PHF8: variants seen among roughly 807,000 people sequenced by gnomAD.
PHF8 encodes the protein histone lysine demethylase PHF8.
PHF8 carries 9 observed loss-of-function variants against 74.4 expected under a neutral mutation model. That is an observed-to-expected ratio of 0.12 (90% CI 0.07 to 0.21). The LOEUF (loss-of-function observed/expected upper bound fraction) is 0.21. PHF8 is among the 10% of genes least tolerant of loss of function. The probability of loss-of-function intolerance (pLI) is 1.00; values close to 1 mark genes in which losing one functional copy is unlikely to be tolerated. For missense variants in PHF8, 478 were observed against 816.6 expected (o/e 0.59, Z 5.05); for synonymous variants, 311 against 316.6 (o/e 0.98, Z 0.19).
intron 19 of PHF8, among the ~76,000 whole-genome samples, chrX:53,958,692 C>A (rs1480365520): frequency 1.0e-5 from 1 of 97,923 alleles, no homozygotes; most frequent in Admixed American, 1.2e-4. Flanking sequence ...AGGAGAATGG[C>A]GTGAACCCAG....
chrX:54,017,407 C>T (rs2066090073), intron 5 of PHF8, among the ~76,000 whole-genome samples: 1 of 112,117 alleles, frequency 8.9e-6, no homozygotes, highest in Admixed American at 9.4e-5. Context: ...TTAATTGCGC[C>T]ACTGTACTCC....
intron 18 of PHF8, among the ~76,000 whole-genome samples, chrX:53,972,339 A>AG (rs1201162229): frequency 2.8e-5 from 3 of 107,472 alleles, no homozygotes; most frequent in Non-Finnish European, 5.8e-5. Flanking sequence ...AAAAAAAAAA[A>AG]AAAAAGAAAA....
At chrX:53,957,803 T>C (rs1380690430) in intron 19 of PHF8, among the ~76,000 whole-genome samples, 1 of 111,481 alleles carries the variant, frequency 9.0e-6, no homozygotes, top group East Asian at 2.8e-4. Context: ...TTTTTCCTTT[T>C]GCTTTTCTCC....
At chrX:54,019,804 A>G (rs782775486) in intron 4 of PHF8, among the ~76,000 whole-genome samples, 48 of 108,404 alleles carry the variant, frequency 4.4e-4, no homozygotes, top group South Asian at 3.9e-3. Context: ...AAAAAAAAAA[A>G]AAAGAAAGAA....
chrX:53,976,312 T>A (rs191947724), intron 18 of PHF8, among the ~76,000 whole-genome samples: 10,905 of 105,935 alleles, frequency 0.1, 1,044 homozygotes, highest in African/African-American at 0.29. Flanking sequence ...CTCAAAAAAA[T>A]AAAATAAAAT....
chrX:54,009,883 T>TAAAAA (rs2065956663), intron 8 of PHF8, among the ~76,000 whole-genome samples: 1 of 45,246 alleles, frequency 2.2e-5, no homozygotes. Context: ...AAAAAAAAAG[T>TAAAAA]GGCTCTTTGG....
rs1010235889 is a variant in PHF8 at position 54,044,176 on chromosome X, C to T, written c.-507G>A. ...GCTTGGGCCTAGTCTGGCGGCCGCC[C>T]GGCGAACGGGCAAGTGGCGTCGTCG... On this transcript the variant is annotated 5_prime_UTR_variant, in exon 1 of 22. Transcript: ENST00000338154. 1.1e-5 allele frequency: 8 copies of T among 754,043 alleles called. No homozygotes were observed. Among genetic ancestry groups the T allele is most frequent in the Middle Eastern group, 1.5e-3 (2 of 1,344 alleles). 62.1% of individuals were successfully genotyped at this position (754,043 alleles called of 1,213,427 possible).
intron 8 of PHF8, among the ~76,000 whole-genome samples, chrX:54,004,580 T>A (rs1335313890): frequency 1.8e-5 from 2 of 110,970 alleles, no homozygotes; most frequent in African/African-American, 6.6e-5. Flanking sequence ...AAATAGGAAA[T>A]AGAAATTCTC....
At chrX:53,976,930 C>T (rs782467824) in intron 18 of PHF8, among the ~76,000 whole-genome samples, 2 of 111,603 alleles carry the variant, frequency 1.8e-5, no homozygotes, top group African/African-American at 6.5e-5. Context: ...AACTCTTTCC[C>T]CTCTTTTCAC....
chrX:53,978,010 ATCT>A (rs1344423697), intron 18 of PHF8, among the ~76,000 whole-genome samples: 4 of 100,829 alleles, frequency 4.0e-5, no homozygotes, highest in Non-Finnish European at 6.0e-5. Flanking sequence ...CAGTGATGCA[ATCT>A]CGGTTCACTG....
intron 2 of PHF8, among the ~76,000 whole-genome samples, chrX:54,027,920 T>C (rs782170854): frequency 6.7e-4 from 70 of 105,095 alleles, no homozygotes; most frequent in Non-Finnish European, 2.1e-4. Context: ...AAGACCTAGG[T>C]AGAAAAAAAA....
chrX:54,002,053 A>C lies in PHF8; in HGVS notation c.1141+102T>G, dbSNP rs188173046. On this transcript the variant is annotated intron_variant, in intron 10 of 21. Transcript: ENST00000338154. ...TTTATATACTGAGATCTTTCTGGTA[A>C]TGAAATAGTATCATGTCTTGACTGC... 316 of 527,689 alleles carry C rather than the reference A, an allele frequency of 6.0e-4. No individual in the cohort carries two copies. In the African/African-American group the frequency reaches 6.4e-3, roughly 11 times the overall value. 43.5% of individuals were successfully genotyped at this position (527,689 alleles called of 1,213,427 possible).
chrX:54,003,099 G>T (rs782662606), intron 8 of PHF8, among the ~76,000 whole-genome samples: 3 of 111,881 alleles, frequency 2.7e-5, no homozygotes, highest in East Asian at 5.6e-4. Flanking sequence ...AAACATTTTT[G>T]AAAACAGTTT....
intron 7 of PHF8, among the ~76,000 whole-genome samples, chrX:54,012,658 T>G (rs954099589): frequency 1.8e-5 from 2 of 111,008 alleles, no homozygotes; most frequent in Non-Finnish European, 3.8e-5. Context: ...AAAAATTGTC[T>G]GGACACAGTG....
chrX:53,985,227 G>A lies in PHF8; in HGVS notation c.2130C>T (p.Thr710=), dbSNP rs782770279. ...GAGTGCTGGGAGAAGCTGGGGCCTC[G>A]CTGCAAGGAACAGAGGAGAAATACT... ...QVGGPDYAAL[T]EAPASPSTQE... Residue 710 remains threonine (T), a splice_region_variant and synonymous_variant, in exon 18 of 22, where the codon ACC becomes ACT. Transcript: ENST00000338154. 6.7e-6 allele frequency: 8 copies of A among 1,189,122 alleles called. 1 individual carries two copies. The South Asian group carries it at 9.2e-5, about 14-fold the overall frequency.
intron 18 of PHF8, among the ~76,000 whole-genome samples, chrX:53,974,247 C>G (rs1348662361): frequency 2.7e-5 from 3 of 109,385 alleles, no homozygotes; most frequent in East Asian, 2.9e-4. Flanking sequence ...GCCTGGGCGA[C>G]AGAGCGAGAC....
At chrX:54,004,659 G>A (rs1163195719) in intron 8 of PHF8, among the ~76,000 whole-genome samples, 1 of 111,525 alleles carries the variant, frequency 9.0e-6, no homozygotes, top group Non-Finnish European at 1.9e-5. Context: ...GGCCAGCTGT[G>A]GTGGCTCACG....
intron 19 of PHF8, among the ~76,000 whole-genome samples, chrX:53,958,645 G>A (rs1402956454): frequency 3.8e-5 from 4 of 105,858 alleles, no homozygotes; most frequent in African/African-American, 1.0e-4. Flanking sequence ...GCATGGTGGC[G>A]GGTGCCTGTA....
At chrX:54,024,636 C>T (rs369333783) in intron 2 of PHF8, among the ~76,000 whole-genome samples, 1 of 111,789 alleles carries the variant, frequency 8.9e-6, no homozygotes, top group African/African-American at 3.3e-5. Context: ...GCTTCTCCTA[C>T]GGGAAAATCA....
Sources: allele counts gnomAD v4.1 joint callset (sites outside exome capture counted in the v4.1 genomes callset), GRCh38; gene constraint gnomAD v4.1.1; transcripts MANE v1.5; gene names NCBI Gene and HGNC (gene_info 2026-07-23, HGNC 2026-07-21).